The following SNTG1 variants were observed in gnomAD, a reference collection of about 807,000 sequenced individuals.
SNTG1 encodes syntrophin gamma 1, also known as gamma-1-syntrophin.
SNTG1 carries 39 observed loss-of-function variants against 74.7 expected under a neutral mutation model. The observed-to-expected ratio is 0.52, with a 90% CI of 0.40 to 0.68. The LOEUF (loss-of-function observed/expected upper bound fraction) is 0.68. SNTG1 is among the 30% of genes least tolerant of loss of function. The pLI is 0.00. For synonymous variants in SNTG1, 254 were observed against 217.1 expected, an observed-to-expected ratio of 1.17 and a Z score of -1.49; for missense variants, 685 against 609.5, an observed-to-expected ratio of 1.12 and a Z score of -1.30.
intron 1 of SNTG1, among the ~76,000 whole-genome samples, chr8:49,955,701 G>A (rs1276645148): frequency 1.3e-5 from 2 of 152,198 alleles, no homozygotes; most frequent in African/African-American, 4.8e-5. Flanking sequence ...CTCAGTAAAA[G>A]ACAAAGGCTA....
At chr8:50,341,654 C>T (rs761812680) in intron 2 of SNTG1, among the ~76,000 whole-genome samples, 5 of 151,800 alleles carry the variant, frequency 3.3e-5, no homozygotes, top group Admixed American at 6.6e-5. Flanking sequence ...AAAATGTAAT[C>T]ATTTAATTCT....
intron 9 of SNTG1, among the ~76,000 whole-genome samples, chr8:50,522,596 T>TTC (rs1491220025): frequency 7.9e-6 from 1 of 126,484 alleles, no homozygotes; most frequent in African/African-American, 3.4e-5. Context: ...TTTTTTTTTT[T>TTC]GAGACAGAGT....
intron 15 of SNTG1, among the ~76,000 whole-genome samples, chr8:50,675,363 A>G (rs756445162): frequency 9.2e-5 from 14 of 152,096 alleles, no homozygotes; most frequent in Non-Finnish European, 1.9e-4. Flanking sequence ...GTGCATATAT[A>G]TTTAGGATAG....
chr8:50,511,544 G>A (rs1037677226), intron 9 of SNTG1, among the ~76,000 whole-genome samples: 3 of 152,136 alleles, frequency 2.0e-5, no homozygotes, highest in Non-Finnish European at 2.9e-5. Flanking sequence ...TATTGTGTGG[G>A]AGTCTAAGTC....
intron 13 of SNTG1, among the ~76,000 whole-genome samples, chr8:50,654,956 G>T (rs1042840002): frequency 3.3e-5 from 5 of 152,162 alleles, no homozygotes; most frequent in African/African-American, 1.2e-4. Flanking sequence ...ATCCAAACCT[G>T]TGAGACTGGC....
chr8:50,096,368 A>G (rs1486984340), intron 1 of SNTG1, among the ~76,000 whole-genome samples: 2 of 152,192 alleles, frequency 1.3e-5, no homozygotes, highest in South Asian at 2.1e-4. Flanking sequence ...GAAATCTTGG[A>G]GCTTCTGCAA....
chr8:50,371,517 T>A (rs1370130827), intron 2 of SNTG1, among the ~76,000 whole-genome samples: 1 of 152,166 alleles, frequency 6.6e-6, no homozygotes, highest in East Asian at 1.9e-4. Flanking sequence ...TGTTGTTGGG[T>A]GAAGTGTTCA....
chr8:50,046,269 C>A (rs1399660757), intron 1 of SNTG1, among the ~76,000 whole-genome samples: 1 of 152,156 alleles, frequency 6.6e-6, no homozygotes, highest in East Asian at 1.9e-4. Context: ...GATCTCCAAA[C>A]TAGATTGTTT....
At chr8:50,752,473 T>C (rs1204311110) in intron 18 of SNTG1, among the ~76,000 whole-genome samples, 1 of 151,954 alleles carries the variant, frequency 6.6e-6, no homozygotes, top group Non-Finnish European at 1.5e-5. Flanking sequence ...TACATAAATT[T>C]ATATATTTAC....
chr8:50,696,882 C>G (rs76342487), intron 15 of SNTG1, among the ~76,000 whole-genome samples: 1 of 151,970 alleles, frequency 6.6e-6, no homozygotes, highest in East Asian at 1.9e-4. Context: ...TAATGTGATG[C>G]CTCCAGCTTT....
At chr8:50,753,390 G>A (rs1349058223) in intron 18 of SNTG1, among the ~76,000 whole-genome samples, 1 of 151,840 alleles carries the variant, frequency 6.6e-6, no homozygotes, top group Non-Finnish European at 1.5e-5. Flanking sequence ...TTTTAATACT[G>A]GTGAAAGATG....
chr8:50,305,030 G>A (rs183569022), intron 2 of SNTG1, among the ~76,000 whole-genome samples: 1 of 152,004 alleles, frequency 6.6e-6, no homozygotes, highest in African/African-American at 2.4e-5. Context: ...AGCCTCCCAG[G>A]TAGCTGGGAT....
chr8:49,939,876 G>A (rs1052969858), intron 1 of SNTG1, among the ~76,000 whole-genome samples: 10 of 152,086 alleles, frequency 6.6e-5, no homozygotes, highest in African/African-American at 9.7e-5. Flanking sequence ...CTAGCAGGCC[G>A]AGAGCATCTC....
At chr8:50,041,469 G>A (rs945360951) in intron 1 of SNTG1, among the ~76,000 whole-genome samples, 7 of 152,142 alleles carry the variant, frequency 4.6e-5, no homozygotes, top group South Asian at 4.1e-4. Flanking sequence ...AAGCTGGAGA[G>A]ATTATTGACA....
intron 1 of SNTG1, chr8:49,914,995 C>T (rs182087902): frequency 2.0e-5 from 3 of 152,270 alleles, no homozygotes; most frequent in Admixed American, 2.0e-4. Context: ...GAGCACATAG[C>T]ATGTGTTGGA....
At position 50,684,714 on chromosome 8, in the gene SNTG1, T is replaced by G. The variant is rs574164012; in HGVS notation, c.1039-19886T>G. ...AAGTTGCACAACATTTTTCTTTTTTTTTGTTTTTGTTTTTGTTTTTTTTTT... is the reference window on the plus strand; with the variant it reads ...AAGTTGCACAACATTTTTCTTTTTTGTTGTTTTTGTTTTTGTTTTTTTTTT... On this transcript the variant is annotated intron_variant, in intron 15 of 18. Coordinates refer to ENST00000642720, the MANE Select transcript of SNTG1 (RefSeq NM_018967.5). Among the ~76,000 whole-genome samples the G allele has an allele frequency of 4.0e-3, 596 of 148,676 alleles. 6 individuals carry two copies. Among genetic ancestry groups the G allele is most frequent in the Non-Finnish European group, 6.3e-3 (420 of 67,134 alleles).
intron 1 of SNTG1, among the ~76,000 whole-genome samples, chr8:50,157,589 C>G (rs1430455524): frequency 6.6e-6 from 1 of 151,912 alleles, no homozygotes; most frequent in African/African-American, 2.4e-5. Flanking sequence ...GCAGCAAAAG[C>G]CTTTAAGAAA....
At chr8:50,428,553 T>A (rs1021525727) in intron 4 of SNTG1, among the ~76,000 whole-genome samples, 5 of 152,222 alleles carry the variant, frequency 3.3e-5, no homozygotes, top group African/African-American at 1.2e-4. Context: ...GTCTGCATTA[T>A]CTAATGACCT....
intron 18 of SNTG1, among the ~76,000 whole-genome samples, chr8:50,755,859 C>T (rs1349084667): frequency 2.0e-5 from 3 of 151,714 alleles, no homozygotes; most frequent in South Asian, 4.1e-4. Context: ...TGATATACAA[C>T]GTGGTGCATA....
Sources: gnomAD v4.1 joint callset for allele counts (sites outside exome capture counted in the v4.1 genomes callset) on GRCh38, gnomAD v4.1.1 for gene constraint, MANE v1.5 for transcripts, NCBI Gene and HGNC (gene_info 2026-07-23, HGNC 2026-07-21) for gene names.